MYO1B: variants seen among roughly 807,000 people sequenced by gnomAD.
MYO1B encodes the protein myosin IB, also known as unconventional myosin-Ib.
A neutral mutation model predicts 159.7 loss-of-function variants in MYO1B; 72 were observed. The ratio of observed to expected loss-of-function variants is 0.45; its 90% confidence interval spans 0.37 to 0.55. The LOEUF (loss-of-function observed/expected upper bound fraction) is 0.55. Among genes scored for constraint, MYO1B ranks in the 20% least tolerant of loss-of-function variants. The probability of loss-of-function intolerance (pLI) is 0.00; values close to 1 mark genes in which losing one functional copy is unlikely to be tolerated. For missense variants in MYO1B, 1,062 were observed against 1,364.8 expected, an observed-to-expected ratio of 0.78 and a Z score of 3.50; for synonymous variants, 468 against 473.8, an observed-to-expected ratio of 0.99 and a Z score of 0.16.
intron 11 of MYO1B, among the ~76,000 whole-genome samples, chr2:191,366,419 T>C (rs1173619509): frequency 6.6e-6 from 1 of 152,080 alleles, no homozygotes; most frequent in African/African-American, 2.4e-5. Context: ...ACTCAGAGTA[T>C]CTGGTTCTAC....
At chr2:191,276,548 A>G (rs1442772845) in intron 1 of MYO1B, among the ~76,000 whole-genome samples, 1 of 152,176 alleles carries the variant, frequency 6.6e-6, no homozygotes, top group Non-Finnish European at 1.5e-5. Flanking sequence ...GCTGAGGGAA[A>G]GTAGGGGTGG....
At chr2:191,415,148 C>T (rs1697482563) in intron 29 of MYO1B, among the ~76,000 whole-genome samples, 1 of 152,090 alleles carries the variant, frequency 6.6e-6, no homozygotes, top group Non-Finnish European at 1.5e-5. Flanking sequence ...ATAATTTTGG[C>T]CAAGGCATTT....
intron 24 of MYO1B, among the ~76,000 whole-genome samples, chr2:191,403,465 A>C (rs937980835): frequency 6.6e-6 from 1 of 152,210 alleles, no homozygotes; most frequent in African/African-American, 2.4e-5. Flanking sequence ...ATTAGTCACC[A>C]TAGGAAGCCA....
chr2:191,413,206 T>TTTC (rs1697355522), intron 27 of MYO1B, among the ~76,000 whole-genome samples: 1 of 152,136 alleles, frequency 6.6e-6, no homozygotes, highest in Non-Finnish European at 1.5e-5. Context: ...AAGTTGAAAA[T>TTTC]ATCATAAGTT....
chr2:191,264,893 A>G (rs1471912341), intron 1 of MYO1B, among the ~76,000 whole-genome samples: 2 of 151,982 alleles, frequency 1.3e-5, no homozygotes, highest in East Asian at 3.9e-4. Flanking sequence ...ACAAGATCCT[A>G]GGAGATGATG....
chr2:191,278,240 C>T (rs1311649314), intron 2 of MYO1B, among the ~76,000 whole-genome samples: 2 of 152,218 alleles, frequency 1.3e-5, no homozygotes, highest in Admixed American at 1.3e-4. Context: ...TTCTGGCTCA[C>T]AGATGGCGCC....
chr2:191,327,492 G>T (rs992125709), intron 3 of MYO1B, among the ~76,000 whole-genome samples: 5 of 152,230 alleles, frequency 3.3e-5, no homozygotes, highest in African/African-American at 9.6e-5. Context: ...TGGAGATGAA[G>T]ACACTGAAGT....
chr2:191,259,472 A>G (rs1354295817), intron 1 of MYO1B, among the ~76,000 whole-genome samples: 2 of 152,100 alleles, frequency 1.3e-5, no homozygotes, highest in Non-Finnish European at 2.9e-5. Flanking sequence ...GAGTACATAC[A>G]TTTTCTATAT....
At chr2:191,409,359 C>T (rs1450514993) in intron 26 of MYO1B, among the ~76,000 whole-genome samples, 181 bp downstream of exon 26, 1 of 152,254 alleles carries the variant, frequency 6.6e-6, no homozygotes, top group Non-Finnish European at 1.5e-5. Flanking sequence ...TGCAGCGGCC[C>T]AGGCGTTCCC....
At chr2:191,400,656 A>C (rs879547375) in intron 22 of MYO1B, 93 bp from the exon 23 acceptor site, 5 of 1,436,194 alleles carry the variant, frequency 3.5e-6, no homozygotes, top group Non-Finnish European at 4.8e-6. Context: ...TTTGGTGGTG[A>C]CTAGTGTCTC....
At chr2:191,366,366 C>T (rs1051999543) in intron 11 of MYO1B, among the ~76,000 whole-genome samples, 1 of 151,890 alleles carries the variant, frequency 6.6e-6, no homozygotes, top group Admixed American at 6.6e-5. Context: ...CTCAGCTATT[C>T]GGCTCCTTAG....
chr2:191,401,739 G>C (rs1486900171), intron 23 of MYO1B: 1 of 152,184 alleles, frequency 6.6e-6, no homozygotes, highest in Non-Finnish European at 1.5e-5. Context: ...AACCAGAGTT[G>C]TTCATCTGTG....
At chr2:191,301,225 T>C (rs1422180946) in intron 3 of MYO1B, among the ~76,000 whole-genome samples, 2 of 151,554 alleles carry the variant, frequency 1.3e-5, no homozygotes, top group Non-Finnish European at 2.9e-5. Flanking sequence ...TTTTAACTTC[T>C]TTGAAAATAA....
intron 1 of MYO1B, among the ~76,000 whole-genome samples, chr2:191,271,459 A>C (rs1197873050): frequency 6.6e-6 from 1 of 152,150 alleles, no homozygotes; most frequent in Non-Finnish European, 1.5e-5. Context: ...GGATCATTTG[A>C]AACCTGGAGC....
chr2:191,268,371 C>T (rs1687265781), intron 1 of MYO1B, among the ~76,000 whole-genome samples: 1 of 152,168 alleles, frequency 6.6e-6, no homozygotes, highest in African/African-American at 2.4e-5. Flanking sequence ...GGGGGCCTCA[C>T]CCTCCTGACT....
chr2:191,384,922 AAC>A (rs1695313170), intron 15 of MYO1B, among the ~76,000 whole-genome samples: 1 of 152,200 alleles, frequency 6.6e-6, no homozygotes, highest in African/African-American at 2.4e-5. Flanking sequence ...GGATGTTATG[AAC>A]ACACTTGATT....
chr2:191,248,047 A>G (rs1181613666), intron 1 of MYO1B: 1 of 984,306 alleles, frequency 1.0e-6, no homozygotes, highest in East Asian at 1.1e-4. Flanking sequence ...GATCTTCAGC[A>G]TGTAGCATCC....
At chr2:191,317,603 T>A (rs1690435136) in intron 3 of MYO1B, among the ~76,000 whole-genome samples, 2 of 152,252 alleles carry the variant, frequency 1.3e-5, no homozygotes, top group East Asian at 3.8e-4. Context: ...GCGTTAGGTA[T>A]ATCTCCTAAT....
chr2:191,417,127 C>A (rs1368823367), intron 30 of MYO1B, among the ~76,000 whole-genome samples: 1 of 152,132 alleles, frequency 6.6e-6, no homozygotes, highest in African/African-American at 2.4e-5. Flanking sequence ...CTAGTCTATT[C>A]TGTTTCAACT....
Sources: allele counts gnomAD v4.1 joint callset (sites outside exome capture counted in the v4.1 genomes callset), GRCh38; gene constraint gnomAD v4.1.1; transcripts MANE v1.5; gene names NCBI Gene and HGNC (gene_info 2026-07-23, HGNC 2026-07-21).